OR2AT4: variants seen among roughly 807,000 people sequenced by gnomAD.
The protein encoded by OR2AT4 is olfactory receptor family 2 subfamily AT member 4.
OR2AT4 carries 6 observed loss-of-function variants against 10.3 expected under a neutral mutation model. The ratio of observed to expected loss-of-function variants is 0.58; its 90% CI spans 0.32 to 1.15. The LOEUF (loss-of-function observed/expected upper bound fraction) is 1.15. OR2AT4 is among the 50% of genes most tolerant of loss of function. The probability of loss-of-function intolerance (pLI) is 0.05; values close to 1 mark genes in which losing one functional copy is unlikely to be tolerated. For synonymous variants in OR2AT4, 145 were observed against 159.1 expected (o/e 0.91, Z 0.67); for missense variants, 354 against 393.8 (o/e 0.90, Z 0.85).
Position 75,089,284 on chromosome 11 carries a change from G to A in OR2AT4, c.430C>T (p.Gln144Ter). The A allele has an allele frequency of 6.2e-7, 1 of 1,614,242 alleles. No individual in the cohort carries two copies. The highest frequency in any genetic ancestry group is 1.1e-5 in the South Asian group (1 of 91,088). ...CTGGCTGCCAAGGTAGCATTGGTCT[G>A]TGGGTTCATGAGGACAGGGTAGTGC... The change falls in exon 2 of 2, where the codon CAG (glutamine) becomes TAG (stop). Residue 144 changes from glutamine (Q) to a stop codon, truncating the protein, a stop_gained. Transcript: ENST00000641504. LOFTEE classifies it high-confidence loss of function.
chr11:75,088,508 T>C (rs1949300508), exon 2 of OR2AT4: 1 of 333,250 alleles, frequency 3.0e-6, no homozygotes, highest in Non-Finnish European at 5.4e-6. Flanking sequence ...ATATGAATAT[T>C]TGCCTTTCCC....
At chr11:75,095,699 A>C (rs1027965191) in intron 1 of OR2AT4, among the ~76,000 whole-genome samples, 32 of 123,114 alleles carry the variant, frequency 2.6e-4, no homozygotes, top group Admixed American at 8.5e-4. Context: ...TTTTTTTGAG[A>C]TTGAGTCTTG....
chr11:75,089,302 G>C (rs1949308852), exon 2 of OR2AT4: 1 of 1,614,096 alleles, frequency 6.2e-7, no homozygotes, highest in Non-Finnish European at 8.5e-7. Flanking sequence ...ATGAGGACAG[G>C]GTAGTGCAGT....
Position 75,094,426 on chromosome 11 carries a change from G to C in OR2AT4, c.-652+2402C>G, listed in dbSNP as rs112791739. On this transcript the variant is annotated intron_variant, in intron 1 of 1. Transcript: ENST00000641504. ...TGGGGTGGGCTGGTTTTCTGTCAGAGAGTGAAGGCAGGTATAATGTCTTTC... is the reference window on the plus strand; with the variant it reads ...TGGGGTGGGCTGGTTTTCTGTCAGACAGTGAAGGCAGGTATAATGTCTTTC... Among the ~76,000 whole-genome samples the C allele has an allele frequency of 3.9e-3, 594 of 152,330 alleles. 3 individuals carry two copies. Among genetic ancestry groups the C allele is most frequent in the African/African-American group, 0.014 (566 of 41,588 alleles).
chr11:75,090,645 T>C (rs551861049), intron 1 of OR2AT4, among the ~76,000 whole-genome samples: 2 of 152,278 alleles, frequency 1.3e-5, no homozygotes, highest in East Asian at 3.9e-4. Context: ...CCAGTAAGAC[T>C]TGTGATAGTC....
exon 2 of OR2AT4, chr11:75,082,840 G>C (rs1020817510): frequency 6.6e-6 from 1 of 152,154 alleles, no homozygotes; most frequent in Non-Finnish European, 1.5e-5. Context: ...CCAGAACTTT[G>C]GGAGGCGGAG....
chr11:75,094,954 A>G lies in OR2AT4; in HGVS notation c.-652+1874T>C, dbSNP rs114804374. ...TTTTTCTAATACCCAAAGAGATGCA[A>G]ACTACCTTATTCTGAACGTTGTTAC... On this transcript the variant is annotated intron_variant, in intron 1 of 1. Transcript: ENST00000641504. Among the ~76,000 whole-genome samples the G allele has an allele frequency of 2.2e-3, 337 of 152,324 alleles. 2 individuals carry two copies. The highest frequency in any genetic ancestry group is 7.6e-3 in the African/African-American group (317 of 41,580).
exon 2 of OR2AT4, chr11:75,089,174 G>A: frequency 1.2e-6 from 2 of 1,614,160 alleles, no homozygotes; most frequent in Non-Finnish European, 1.7e-6. Flanking sequence ...AGAAGCAGTG[G>A]TAGATGTAGG....
exon 2 of OR2AT4, chr11:75,089,642 C>T: frequency 6.2e-7 from 1 of 1,613,874 alleles, no homozygotes; most frequent in East Asian, 2.2e-5. Context: ...AGGTCTCTGG[C>T]AGAGAGGGGA....
Position 75,088,802 on chromosome 11 carries a change from T to C in OR2AT4, c.912A>G (p.Ala304=), listed in dbSNP as rs781142410. The C allele has an allele frequency of 5.8e-5, 93 of 1,593,272 alleles. No individual in the cohort carries two copies. The Middle Eastern group carries it at 6.7e-4, about 11-fold the overall frequency. Residue 304 remains alanine (A), a synonymous_variant, in exon 2 of 2, where the codon GCA becomes GCG. Transcript: ENST00000641504. ...CTTGAGACATGATTTTGGTGATGGC[T>C]GCCTTTACATCCCTGTTTCTCAGCG...
intron 1 of OR2AT4, among the ~76,000 whole-genome samples, 174 bp from the exon 2 acceptor site, chr11:75,090,538 C>T (rs976763418): frequency 2.6e-5 from 4 of 152,218 alleles, no homozygotes; most frequent in African/African-American, 7.2e-5. Context: ...AACTAATAAT[C>T]ACCAGCTCTT....
intron 1 of OR2AT4, among the ~76,000 whole-genome samples, chr11:75,096,524 T>C (rs1035699773): frequency 3.9e-5 from 6 of 152,208 alleles, no homozygotes; most frequent in African/African-American, 7.2e-5. Flanking sequence ...TTTCCTCCAA[T>C]GGACTGCAAT....
At chr11:75,093,180 C>T (rs752111261) in intron 1 of OR2AT4, among the ~76,000 whole-genome samples, 9 of 152,296 alleles carry the variant, frequency 5.9e-5, no homozygotes, top group Non-Finnish European at 1.2e-4. Flanking sequence ...GACTTGCTTC[C>T]AGGTTGGAAT....
chr11:75,093,616 C>T (rs1043074046), intron 1 of OR2AT4, among the ~76,000 whole-genome samples: 3 of 152,106 alleles, frequency 2.0e-5, no homozygotes, highest in African/African-American at 7.2e-5. Context: ...TTTATGTTTA[C>T]ATCATTGTCT....
chr11:75,088,683 T>G, exon 2 of OR2AT4: 2 of 1,396,128 alleles, frequency 1.4e-6, no homozygotes, highest in African/African-American at 1.4e-5. Flanking sequence ...TATCATGTAT[T>G]GAGTCCTTTC....
At chr11:75,089,777 G>C in exon 2 of OR2AT4, 1 of 1,494,378 alleles carries the variant, frequency 6.7e-7, no homozygotes, top group Non-Finnish European at 9.0e-7. Flanking sequence ...GGAAACATCT[G>C]GAAACCATAG....
At chr11:75,086,013 A>G (rs1399857590) in exon 2 of OR2AT4, 4 of 152,182 alleles carry the variant, frequency 2.6e-5, no homozygotes, top group African/African-American at 9.6e-5. Context: ...AACAGAATAG[A>G]GAGCCCACAA....
chr11:75,089,307 T>C, exon 2 of OR2AT4: 2 of 1,614,156 alleles, frequency 1.2e-6, no homozygotes, highest in African/African-American at 1.3e-5. Context: ...GACAGGGTAG[T>C]GCAGTGGGTG....
At chr11:75,084,457 G>C (rs1949280725) in exon 2 of OR2AT4, 1 of 152,148 alleles carries the variant, frequency 6.6e-6, no homozygotes. Context: ...CAAGCAGATA[G>C]AAAATCAGTT....
Sources: gnomAD v4.1 joint callset for allele counts (sites outside exome capture counted in the v4.1 genomes callset) on GRCh38, gnomAD v4.1.1 for gene constraint, MANE v1.5 for transcripts, NCBI Gene and HGNC (gene_info 2026-07-23, HGNC 2026-07-21) for gene names.